PCDH15: variants seen among roughly 807,000 people sequenced by gnomAD.
PCDH15 encodes the protein protocadherin related 15, also known as protocadherin-15.
PCDH15 carries 129 observed loss-of-function variants against 178.5 expected under a neutral mutation model. That is an observed-to-expected ratio of 0.72 (90% CI 0.63 to 0.84). The LOEUF (loss-of-function observed/expected upper bound fraction) is 0.84. Among genes scored for constraint, PCDH15 ranks in the 40% least tolerant of loss-of-function variants. The probability of loss-of-function intolerance (pLI) is 0.00; values close to 1 mark genes in which losing one functional copy is unlikely to be tolerated. For synonymous variants in PCDH15, 800 were observed against 732.0 expected, an observed-to-expected ratio of 1.09 and a Z score of -1.50; for missense variants, 2,230 against 2,099.9, an observed-to-expected ratio of 1.06 and a Z score of -1.21.
intron 2 of PCDH15, among the ~76,000 whole-genome samples, chr10:55,376,007 G>A (rs1229534614): frequency 4.0e-5 from 6 of 150,902 alleles, no homozygotes; most frequent in Non-Finnish European, 4.4e-5. Context: ...TTTTAGTTTA[G>A]GACCATATTT....
At chr10:54,750,812 T>G (rs1946127434) in intron 1 of PCDH15, among the ~76,000 whole-genome samples, 1 of 152,108 alleles carries the variant, frequency 6.6e-6, no homozygotes, top group Non-Finnish European at 1.5e-5. Flanking sequence ...GCTTAACAAT[T>G]GCAAGCAGCA....
intron 18 of PCDH15, among the ~76,000 whole-genome samples, chr10:54,027,108 C>A (rs930502924): frequency 3.4e-5 from 5 of 146,066 alleles, no homozygotes; most frequent in African/African-American, 1.0e-4. Context: ...GATACAAAAT[C>A]AATGTACAAA....
chr10:54,945,527 G>T (rs1838177502), intron 2 of PCDH15, among the ~76,000 whole-genome samples: 1 of 151,438 alleles, frequency 6.6e-6, no homozygotes, highest in Non-Finnish European at 1.5e-5. Context: ...ATCAGTATGA[G>T]AAATTTGTAT....
At chr10:54,334,217 G>A (rs1030020853) in intron 6 of PCDH15, among the ~76,000 whole-genome samples, 8 of 152,114 alleles carry the variant, frequency 5.3e-5, no homozygotes, top group Admixed American at 5.2e-4. Context: ...TCAAATAAGG[G>A]ACAATTCTCC....
At chr10:54,871,394 A>T (rs576804424) in intron 3 of PCDH15, among the ~76,000 whole-genome samples, 1 of 151,698 alleles carries the variant, frequency 6.6e-6, no homozygotes, top group Non-Finnish European at 1.5e-5. Context: ...TACTTGAAAA[A>T]AAAATGTGGT....
At position 54,378,902 on chromosome 10, in the gene PCDH15, A is replaced by C; in HGVS notation, c.198T>G (p.Ala66=). The part of the protein sequence containing the change: ...LVDNMLIKGT[A]GGPDPTIELS... The stretch of plus-strand genomic sequence containing the variant: ...GTTCTATGGTGGGGTCTGGTCCTCC[A>C]GCAGTCCCTTTGATCAGCATGTTGT... Residue 66 remains alanine, a synonymous_variant, in exon 4 of 38, where the codon GCT becomes GCG. Transcript: ENST00000644397. The C allele has an allele frequency of 6.2e-7, 1 of 1,613,830 alleles. No individual in the cohort carries two copies. Among genetic ancestry groups the C allele is most frequent in the South Asian group, 1.1e-5 (1 of 91,088 alleles).
chr10:55,398,467 C>T (rs1837981948), intron 2 of PCDH15, among the ~76,000 whole-genome samples: 1 of 152,110 alleles, frequency 6.6e-6, no homozygotes, highest in African/African-American at 2.4e-5. Flanking sequence ...ATTTTCATAT[C>T]CTGTTGCTAG....
chr10:54,411,843 C>T (rs1953570170), intron 3 of PCDH15, among the ~76,000 whole-genome samples: 2 of 152,082 alleles, frequency 1.3e-5, no homozygotes, highest in African/African-American at 4.8e-5. Flanking sequence ...ACTGAGGGCA[C>T]GATGGCCTTA....
intron 2 of PCDH15, among the ~76,000 whole-genome samples, chr10:54,639,393 T>C (rs1349009745): frequency 6.6e-6 from 1 of 152,118 alleles, no homozygotes; most frequent in Non-Finnish European, 1.5e-5. Flanking sequence ...ATAAAGTATT[T>C]CTTGGAGCCG....
chr10:54,364,927 T>G (rs1254941634), intron 5 of PCDH15, among the ~76,000 whole-genome samples: 2 of 152,162 alleles, frequency 1.3e-5, no homozygotes, highest in Non-Finnish European at 2.9e-5. Context: ...CAGGCTATAT[T>G]ATAGCTCCAC....
At chr10:55,406,294 T>C (rs1382815544) in intron 2 of PCDH15, among the ~76,000 whole-genome samples, 1 of 152,112 alleles carries the variant, frequency 6.6e-6, no homozygotes, top group Non-Finnish European at 1.5e-5. Flanking sequence ...CCCACTTGTA[T>C]AAAAGGTTAT....
chr10:54,299,798 C>T (rs113405222), intron 8 of PCDH15, among the ~76,000 whole-genome samples: 4 of 152,052 alleles, frequency 2.6e-5, no homozygotes, highest in East Asian at 3.9e-4. Context: ...CTCAAACGTG[C>T]GAGTTGTTTG....
chr10:54,238,072 A>G (rs1321061170), intron 8 of PCDH15, among the ~76,000 whole-genome samples: 1 of 152,114 alleles, frequency 6.6e-6, no homozygotes, highest in East Asian at 1.9e-4. Flanking sequence ...TAAATGAAAT[A>G]CTTCTAAAGG....
intron 2 of PCDH15, among the ~76,000 whole-genome samples, chr10:55,336,390 C>T (rs1844397201): frequency 6.6e-6 from 1 of 152,056 alleles, no homozygotes; most frequent in African/African-American, 2.4e-5. Context: ...CCCAACTACT[C>T]AGGAGGCTGA....
chr10:54,561,703 G>A (rs928831325), intron 2 of PCDH15, among the ~76,000 whole-genome samples: 1 of 151,996 alleles, frequency 6.6e-6, no homozygotes, highest in Admixed American at 6.6e-5. Flanking sequence ...TTTATTTCAT[G>A]CAATAAATTA....
At chr10:54,601,167 T>G (rs1316951189) in intron 2 of PCDH15, among the ~76,000 whole-genome samples, 1 of 151,932 alleles carries the variant, frequency 6.6e-6, no homozygotes, top group East Asian at 1.9e-4. Context: ...AAGGTCATAT[T>G]GGAAACATAG....
intron 2 of PCDH15, among the ~76,000 whole-genome samples, chr10:54,965,418 T>G (rs1838758944): frequency 6.6e-6 from 1 of 152,082 alleles, no homozygotes; most frequent in African/African-American, 2.4e-5. Context: ...GCACACATTC[T>G]TCTGCCTGCT....
At chr10:55,229,277 A>G (rs1271687661) in intron 1 of PCDH15, among the ~76,000 whole-genome samples, 2 of 151,936 alleles carry the variant, frequency 1.3e-5, no homozygotes, top group African/African-American at 4.8e-5. Flanking sequence ...TTTTTCAAAT[A>G]GACTACCATA....
intron 2 of PCDH15, among the ~76,000 whole-genome samples, chr10:55,508,683 G>T (rs1840814157): frequency 6.6e-6 from 1 of 151,632 alleles, no homozygotes; most frequent in Non-Finnish European, 1.5e-5. Context: ...GGGGAAAATT[G>T]TATTGAACTT....
Sources: allele counts gnomAD v4.1 joint callset (sites outside exome capture counted in the v4.1 genomes callset), GRCh38; gene constraint gnomAD v4.1.1; transcripts MANE v1.5; gene names NCBI Gene and HGNC (gene_info 2026-07-23, HGNC 2026-07-21).